The following PRDM14 variants were observed in gnomAD, a reference collection of about 807,000 sequenced individuals.
PRDM14 encodes the protein PR domain zinc finger protein 14.
PRDM14 carries 16 observed loss-of-function variants against 48.0 expected under a neutral mutation model. The ratio of observed to expected loss-of-function variants is 0.33; its 90% CI spans 0.23 to 0.51. The LOEUF (loss-of-function observed/expected upper bound fraction) is 0.51, where lower values mean the gene tolerates loss of function less well. PRDM14 is among the 20% of genes least tolerant of loss of function. PRDM14 has a pLI of 0.97. For synonymous variants in PRDM14, 264 were observed against 276.6 expected, an observed-to-expected ratio of 0.95 and a Z score of 0.45; for missense variants, 566 against 719.6, an observed-to-expected ratio of 0.79 and a Z score of 2.44.
Position 70,065,005 on chromosome 8 carries a change from G to C in PRDM14, c.1183+1230C>G, listed in dbSNP as rs1359712469. Among the ~76,000 whole-genome samples, 3 of 151,776 alleles carry C rather than the reference G, an allele frequency of 2.0e-5. No homozygotes were observed. The East Asian group carries it at 5.8e-4, about 30-fold the overall frequency. ...GGGTTCAAATGATTCTCCTGCCTCAGCCTCCTGAGTAGCTGGAACTACAGG... is the reference window on the plus strand; with the variant it reads ...GGGTTCAAATGATTCTCCTGCCTCACCCTCCTGAGTAGCTGGAACTACAGG... On this transcript the variant is annotated intron_variant, in intron 5 of 7. Coordinates refer to ENST00000276594, the MANE Select transcript of PRDM14 (RefSeq NM_024504.4).
chr8:70,064,523 CTTTTTTTT>C (rs1170368852), intron 5 of PRDM14, among the ~76,000 whole-genome samples: 3 of 136,160 alleles, frequency 2.2e-5, no homozygotes, highest in Non-Finnish European at 3.2e-5. Context: ...ATGCAATTTA[CTTTTTTTT>C]TTTTTTTTTT....
chr8:70,063,652 A>G (rs1805620857), intron 5 of PRDM14, among the ~76,000 whole-genome samples: 1 of 151,712 alleles, frequency 6.6e-6, no homozygotes, highest in African/African-American at 2.4e-5. Context: ...CCTCCTGAGT[A>G]GCTGGGATTA....
At chr8:70,055,077 AT>A (rs1461071006) in intron 7 of PRDM14, among the ~76,000 whole-genome samples, 1 of 152,192 alleles carries the variant, frequency 6.6e-6, no homozygotes, top group East Asian at 1.9e-4. Context: ...TTTGGAATGT[AT>A]TTTATTACAT....
intron 7 of PRDM14, among the ~76,000 whole-genome samples, chr8:70,054,217 C>T (rs561089701): frequency 7.7e-4 from 117 of 152,292 alleles, no homozygotes; most frequent in African/African-American, 2.6e-3. Flanking sequence ...GACTAGATGC[C>T]GCTTCTGCAA....
chr8:70,057,668 T>C (rs778346271), intron 6 of PRDM14, among the ~76,000 whole-genome samples: 1 of 152,220 alleles, frequency 6.6e-6, no homozygotes, highest in African/African-American at 2.4e-5. Context: ...TTTGTGTTGA[T>C]GAACATGCAG....
chr8:70,053,965 A>G (rs1485847232), intron 7 of PRDM14, among the ~76,000 whole-genome samples: 2 of 152,228 alleles, frequency 1.3e-5, no homozygotes, highest in African/African-American at 2.4e-5. Flanking sequence ...CAATGGCCAC[A>G]TGGAGCCATT....
rs756342030 is a variant in PRDM14, at chr8:70,069,493, C to G, written c.368G>C (p.Gly123Ala). The G allele has an allele frequency of 5.0e-6, 8 of 1,588,696 alleles. No individual in the cohort carries two copies. The highest frequency in any genetic ancestry group is 6.9e-6 in the Non-Finnish European group (8 of 1,166,366). The part of the protein sequence containing the change: ...PFLSSSHEYA[G>A]ASSEDLGHQI... ...GTGGCCCAGATCTTCACTGCTGGCA[C>G]CCGCGTACTCGTGGCTGCTGCTCAG... is the stretch of plus-strand genomic sequence containing the variant. Residue 123 changes from glycine (G) to alanine (A), a missense_variant, in exon 2 of 8, where the codon GGT becomes GCT. Coordinates refer to ENST00000276594, the MANE Select transcript of PRDM14 (RefSeq NM_024504.4).
chr8:70,067,520 G>GAAA lies in PRDM14; in HGVS notation c.912+707_912+709dup, dbSNP rs1158520319. On this transcript the variant is annotated intron_variant, in intron 4 of 7. Transcript: ENST00000276594. ...GTAACAGACAAAAACTCCGTCTCAA[G>GAAA]AAAAAAAAAACAAAAAAAAAAAAAC... Among the ~76,000 whole-genome samples, 498 of 81,290 alleles carry GAAA rather than the reference G, an allele frequency of 6.1e-3. 5 individuals are homozygous for GAAA. Among genetic ancestry groups the GAAA allele is most frequent in the African/African-American group, 0.021 (476 of 22,566 alleles). The allele number at this position is 81,290 out of a possible 152,430, so 53.3% of individuals were successfully genotyped here.
chr8:70,066,461 T>A lies in PRDM14; in HGVS notation c.957A>T (p.Gly319=). The A allele has an allele frequency of 2.5e-6, 4 of 1,614,070 alleles. No homozygotes were observed. The highest frequency in any genetic ancestry group is 3.4e-6 in the Non-Finnish European group (4 of 1,179,938). ...CATAGGACATCCAGTTCCCCGTACCTCCTTTTCCATCTATAAAGTGGCTCA... is the reference window on the plus strand; with the variant it reads ...CATAGGACATCCAGTTCCCCGTACCACCTTTTCCATCTATAAAGTGGCTCA... ...GHLSHFIDGK[G]GTGNWMSYVN... is the part of the protein sequence containing the mutation. Residue 319 remains glycine (G), a synonymous_variant, in exon 5 of 8, where the codon GGA becomes GGT. Transcript: ENST00000276594.
chr8:70,060,573 A>G (rs1016874371), intron 5 of PRDM14, among the ~76,000 whole-genome samples: 1 of 152,214 alleles, frequency 6.6e-6, no homozygotes, highest in Non-Finnish European at 1.5e-5. Context: ...CTTCAAACAA[A>G]GTCTACATGT....
At chr8:70,066,607 C>A in intron 4 of PRDM14, 102 bp from the exon 5 acceptor site, 1 of 807,008 alleles carries the variant, frequency 1.2e-6, no homozygotes, top group East Asian at 2.6e-5. Flanking sequence ...CACTTGAGTC[C>A]ACCAAATACA....
At position 70,051,766 on chromosome 8, in the gene PRDM14, A is replaced by AGTTG; in HGVS notation, c.*310_*311insCAAC. ...GTCTCCACACTCTTGAGGGCTACTC[A>AGTTG]TTTTTTTTGTTTTGTTTTGTTTTGA... On this transcript the variant is annotated 3_prime_UTR_variant, in exon 8 of 8. Coordinates refer to ENST00000276594, the MANE Select transcript of PRDM14 (RefSeq NM_024504.4). 3 of 103,554 alleles carry AGTTG rather than the reference A, an allele frequency of 2.9e-5. No individual in the cohort carries two copies. The highest frequency in any genetic ancestry group is 5.3e-4 in the East Asian group (1 of 1,896). 6.4% of individuals were successfully genotyped at this position (103,554 alleles called of 1,614,324 possible). A position where few individuals can be genotyped will look rare whatever the true frequency, so the allele number is the denominator to read the frequency against.
Position 70,051,770 on chromosome 8 carries a change from T to TTTTGTTTTG in PRDM14, c.*306_*307insCAAAACAAA, listed in dbSNP as rs374011937. ...CCACACTCTTGAGGGCTACTCATTTTTTTTGTTTTGTTTTGTTTTGAGACA... is the reference window on the plus strand; with the variant it reads ...CCACACTCTTGAGGGCTACTCATTTTTTTGTTTTGTTTTGTTTTGTTTTGTTTTGAGACA... On this transcript the variant is annotated 3_prime_UTR_variant, in exon 8 of 8. Transcript: ENST00000276594. 0.17 allele frequency: 43,029 copies of TTTTGTTTTG among 247,280 alleles called. 4,948 individuals carry two copies. Among genetic ancestry groups the TTTTGTTTTG allele is most frequent in the East Asian group, 0.36 (4,223 of 11,634 alleles). The allele number at this position is 247,280 out of a possible 1,614,324, so 15.3% of individuals were successfully genotyped here. A position where few individuals can be genotyped will look rare whatever the true frequency, so the allele number is the denominator to read the frequency against.
At chr8:70,057,672 C>T (rs1805498615) in intron 6 of PRDM14, among the ~76,000 whole-genome samples, 3 of 152,160 alleles carry the variant, frequency 2.0e-5, no homozygotes, top group African/African-American at 7.2e-5. Flanking sequence ...TGTTGATGAA[C>T]ATGCAGTCTC....
intron 7 of PRDM14, among the ~76,000 whole-genome samples, chr8:70,054,331 A>G (rs1253393322): frequency 6.6e-6 from 1 of 152,166 alleles, no homozygotes; most frequent in Admixed American, 6.6e-5. Context: ...AGGCACTGTT[A>G]CAAGAGTTTT....
At position 70,055,391 on chromosome 8, in the gene PRDM14, C is replaced by A; in HGVS notation, c.1397G>T (p.Cys466Phe). The A allele has an allele frequency of 6.3e-7, 1 of 1,583,090 alleles. No homozygotes were observed. The highest frequency in any genetic ancestry group is 8.7e-7 in the Non-Finnish European group (1 of 1,152,256). ...EKHRPHKCST[C>F]GKCFSQSSSL... Reference sequence around the variant, plus strand: ...GGAAGATTGAGAGAAACATTTCCCACATGTAGAACACTAAGGTGAAAAAGA... The same window carrying A: ...GGAAGATTGAGAGAAACATTTCCCAAATGTAGAACACTAAGGTGAAAAAGA... Residue 466 changes from cysteine (C) to phenylalanine (F), a missense_variant, in exon 7 of 8, where the codon TGT becomes TTT. Cys to Phe is a radical substitution (Grantham distance 205). Transcript: ENST00000276594.
chr8:70,058,559 T>C, intron 6 of PRDM14, 81 bp downstream of exon 6: 1 of 1,266,556 alleles, frequency 7.9e-7, no homozygotes, highest in Non-Finnish European at 1.1e-6. Context: ...AGCTAGCACC[T>C]ACAAGGCAAC....
chr8:70,062,438 C>A (rs1307891905), intron 5 of PRDM14, among the ~76,000 whole-genome samples: 1 of 152,074 alleles, frequency 6.6e-6, no homozygotes, highest in East Asian at 1.9e-4. Flanking sequence ...GGGATGGAAC[C>A]AAAGTCTAAA....
chr8:70,063,587 C>T (rs7834989), intron 5 of PRDM14, among the ~76,000 whole-genome samples: 37 of 151,712 alleles, frequency 2.4e-4, no homozygotes, highest in African/African-American at 8.7e-4. Context: ...GCAGTGGCGC[C>T]ATCTCAGCTC....
Sources: gnomAD v4.1 joint callset for allele counts (sites outside exome capture counted in the v4.1 genomes callset) on GRCh38, gnomAD v4.1.1 for gene constraint, MANE v1.5 for transcripts, NCBI Gene and HGNC (gene_info 2026-07-23, HGNC 2026-07-21) for gene names.